CLSTN2: variants seen among roughly 807,000 people sequenced by gnomAD.
CLSTN2 encodes the protein calsyntenin 2.
CLSTN2 carries 48 observed loss-of-function variants against 101.2 expected under a neutral mutation model. That is an observed-to-expected ratio of 0.47 (90% CI 0.38 to 0.60). The LOEUF is 0.60. Among genes scored for constraint, CLSTN2 ranks in the 20% least tolerant of loss-of-function variants. CLSTN2 has a pLI of 0.00. For missense variants in CLSTN2, 1,160 were observed against 1,238.2 expected, an observed-to-expected ratio of 0.94 and a Z score of 0.95; for synonymous variants, 481 against 463.6, an observed-to-expected ratio of 1.04 and a Z score of -0.48.
intron 2 of CLSTN2, among the ~76,000 whole-genome samples, chr3:140,320,644 A>T (rs769193894): frequency 2.0e-5 from 3 of 150,938 alleles, no homozygotes; most frequent in Non-Finnish European, 4.4e-5. Flanking sequence ...ACATATTATT[A>T]TTGTATTATA....
chr3:140,521,684 C>T (rs1306702734), intron 8 of CLSTN2, among the ~76,000 whole-genome samples: 1 of 152,216 alleles, frequency 6.6e-6, no homozygotes, highest in Admixed American at 6.5e-5. Flanking sequence ...CCTTCCTTGT[C>T]CAGACCCTTG....
At chr3:140,363,430 G>A (rs1187423287) in intron 2 of CLSTN2, among the ~76,000 whole-genome samples, 5 of 152,172 alleles carry the variant, frequency 3.3e-5, no homozygotes, top group South Asian at 2.1e-4. Flanking sequence ...ACAGAACTCC[G>A]TAAATTTATG....
chr3:140,372,160 A>G (rs1383018), intron 2 of CLSTN2, among the ~76,000 whole-genome samples: 128,342 of 152,156 alleles, frequency 0.84, 54,208 homozygotes, highest in Non-Finnish European at 0.86. Context: ...CTTTCTCCCC[A>G]GCCACCGTGC....
At chr3:140,466,777 G>T (rs769967009) in intron 8 of CLSTN2, 46 bp downstream of exon 8, 17 of 1,611,234 alleles carry the variant, frequency 1.1e-5, no homozygotes, top group Admixed American at 1.7e-5. Context: ...CCTCTGCGGG[G>T]GTGGCCAGTC....
intron 1 of CLSTN2, among the ~76,000 whole-genome samples, chr3:139,978,818 T>C (rs1233338325): frequency 1.3e-5 from 2 of 152,010 alleles, no homozygotes; most frequent in Non-Finnish European, 2.9e-5. Context: ...TGTTTAGTGA[T>C]GTGGAGGCAA....
chr3:140,459,454 A>T, intron 6 of CLSTN2, 67 bp from the exon 7 acceptor site: 1 of 1,579,208 alleles, frequency 6.3e-7, no homozygotes, highest in South Asian at 1.1e-5. Flanking sequence ...ACCTTGACCC[A>T]GGAGCAGAAA....
chr3:140,274,389 C>T (rs1479819433), intron 2 of CLSTN2, among the ~76,000 whole-genome samples: 3 of 152,196 alleles, frequency 2.0e-5, no homozygotes, highest in Non-Finnish European at 4.4e-5. Context: ...ATGGAAGCCA[C>T]CCCAACTCTG....
At chr3:139,971,107 T>G (rs947902464) in intron 1 of CLSTN2, among the ~76,000 whole-genome samples, 3 of 152,206 alleles carry the variant, frequency 2.0e-5, no homozygotes, top group Non-Finnish European at 2.9e-5. Flanking sequence ...TAGTAGTCCT[T>G]TTTGATGCCA....
intron 2 of CLSTN2, among the ~76,000 whole-genome samples, chr3:140,257,526 G>A (rs1337222843): frequency 5.9e-5 from 9 of 151,308 alleles, no homozygotes; most frequent in South Asian, 2.1e-4. Flanking sequence ...AGAGCAGTAA[G>A]CACTGTTAGT....
At chr3:140,321,969 T>G (rs1313380563) in intron 2 of CLSTN2, among the ~76,000 whole-genome samples, 1 of 152,200 alleles carries the variant, frequency 6.6e-6, no homozygotes, top group Non-Finnish European at 1.5e-5. Context: ...GGTGTTTGGC[T>G]GCAGGGCAGA....
chr3:140,383,332 G>C (rs1372447368), intron 2 of CLSTN2, among the ~76,000 whole-genome samples: 1 of 152,166 alleles, frequency 6.6e-6, no homozygotes, highest in Non-Finnish European at 1.5e-5. Flanking sequence ...TATATAATGG[G>C]TGCCCATTAA....
At chr3:140,053,471 G>T (rs7615793) in intron 1 of CLSTN2, among the ~76,000 whole-genome samples, 3 of 152,126 alleles carry the variant, frequency 2.0e-5, no homozygotes, top group African/African-American at 4.8e-5. Flanking sequence ...CATTGGGCAC[G>T]ATTAACAAAA....
At chr3:140,486,174 T>G (rs919887384) in intron 8 of CLSTN2, among the ~76,000 whole-genome samples, 2 of 151,816 alleles carry the variant, frequency 1.3e-5, no homozygotes, top group Non-Finnish European at 2.9e-5. Context: ...ACAAACAACA[T>G]TTTACTGAAA....
At chr3:140,039,885 A>G (rs546116731) in intron 1 of CLSTN2, among the ~76,000 whole-genome samples, 4 of 152,350 alleles carry the variant, frequency 2.6e-5, no homozygotes, top group African/African-American at 9.6e-5. Context: ...TTAAAAGATG[A>G]CAGTAACAAC....
chr3:140,298,214 TG>T (rs902935306), intron 2 of CLSTN2, among the ~76,000 whole-genome samples: 1 of 152,218 alleles, frequency 6.6e-6, no homozygotes, highest in African/African-American at 2.4e-5. Flanking sequence ...TGTGTGATTT[TG>T]GCCAAATCAC....
At position 140,274,738 on chromosome 3, in the gene CLSTN2, TGAAGAAA is replaced by T. The variant is rs151100284; in HGVS notation, c.232+98668_232+98674del. ...CGAGAGGCAGTGGTCTCATCAGATG[TGAAGAAA>T]GAGGAAAGGCTGTCAAGGGTAAAGG... On this transcript the variant is annotated intron_variant, in intron 2 of 16. Transcript: ENST00000458420. 9.4e-3 allele frequency among the ~76,000 whole-genome samples: 1,434 copies of T among 152,052 alleles called. 29 individuals are homozygous for T. Among genetic ancestry groups the T allele is most frequent in the African/African-American group, 0.033 (1,364 of 41,460 alleles).
intron 2 of CLSTN2, among the ~76,000 whole-genome samples, chr3:140,361,272 T>C (rs1311349172): frequency 6.6e-6 from 1 of 152,178 alleles, no homozygotes; most frequent in African/African-American, 2.4e-5. Context: ...TCATCTCAAT[T>C]GCCATAGAAA....
At chr3:140,247,956 C>T (rs778776641) in intron 2 of CLSTN2, among the ~76,000 whole-genome samples, 1 of 152,172 alleles carries the variant, frequency 6.6e-6, no homozygotes, top group Non-Finnish European at 1.5e-5. Flanking sequence ...TTGGGCCAGT[C>T]ACAAGGATTT....
intron 1 of CLSTN2, among the ~76,000 whole-genome samples, chr3:140,167,710 A>T (rs1239656353): frequency 6.6e-6 from 1 of 151,652 alleles, no homozygotes; most frequent in Non-Finnish European, 1.5e-5. Context: ...ATCAAATCCC[A>T]CCCCACCCCA....
Sources: gnomAD v4.1 joint callset for allele counts (sites outside exome capture counted in the v4.1 genomes callset) on GRCh38, gnomAD v4.1.1 for gene constraint, MANE v1.5 for transcripts, NCBI Gene and HGNC (gene_info 2026-07-23, HGNC 2026-07-21) for gene names.